Variants in MNAT1 observed in about 807,000 individuals in gnomAD.
MNAT1 encodes CDK-activating kinase assembly factor MAT1.
A neutral mutation model predicts 42.0 loss-of-function variants in MNAT1; 43 were observed. That is an observed-to-expected ratio of 1.02 (90% CI 0.80 to 1.32). MNAT1 has a LOEUF of 1.32. Among genes scored for constraint, MNAT1 ranks in the 40% most tolerant of loss-of-function variants. The pLI is 0.00. For synonymous variants in MNAT1, 118 were observed against 120.0 expected (o/e 0.98, Z 0.11); for missense variants, 306 against 350.4 (o/e 0.87, Z 1.01).
intron 7 of MNAT1, among the ~76,000 whole-genome samples, chr14:60,912,139 G>T (rs2139529453): frequency 6.6e-6 from 1 of 152,186 alleles, no homozygotes; most frequent in East Asian, 1.9e-4. Flanking sequence ...GACTAGGATT[G>T]CAACCCCTGC....
intron 1 of MNAT1, among the ~76,000 whole-genome samples, chr14:60,736,530 G>T (rs1269161785): frequency 6.6e-6 from 1 of 152,102 alleles, no homozygotes; most frequent in Non-Finnish European, 1.5e-5. Flanking sequence ...ATTCATTCTG[G>T]TGTTGCATTT....
intron 7 of MNAT1, among the ~76,000 whole-genome samples, chr14:60,959,609 T>C (rs2036551387): frequency 6.6e-6 from 1 of 152,224 alleles, no homozygotes; most frequent in Non-Finnish European, 1.5e-5. Context: ...ATGAACTGTT[T>C]CTTTCTTTTG....
chr14:60,817,527 A>G (rs2032752026), intron 5 of MNAT1, among the ~76,000 whole-genome samples: 1 of 151,996 alleles, frequency 6.6e-6, no homozygotes, highest in South Asian at 2.1e-4. Context: ...TAAAATCTTG[A>G]TGTGCAACTT....
intron 7 of MNAT1, among the ~76,000 whole-genome samples, chr14:60,909,507 G>T (rs982937640): frequency 6.6e-6 from 1 of 152,170 alleles, no homozygotes; most frequent in Non-Finnish European, 1.5e-5. Flanking sequence ...TGTATAAGGT[G>T]TAAGGAAGGG....
Position 60,889,525 on chromosome 14 carries a change from G to C in MNAT1, c.809+9690G>C, listed in dbSNP as rs199691924. ...AGAAGAAAACCTAGGCAATACCATT[G>C]AGGACATAGGCATGGGCAAGGACTT... On this transcript the variant is annotated intron_variant, in intron 7 of 7. Transcript: ENST00000261245. Among the ~76,000 whole-genome samples, 306 of 152,172 alleles carry C rather than the reference G, an allele frequency of 2.0e-3. 3 individuals carry two copies. In the East Asian group the frequency reaches 0.051, roughly 25 times the overall value.
At chr14:60,865,729 C>G (rs1267003700) in intron 6 of MNAT1, among the ~76,000 whole-genome samples, 3 of 152,028 alleles carry the variant, frequency 2.0e-5, no homozygotes, top group African/African-American at 7.2e-5. Context: ...ACAAAATAAA[C>G]AAAATATTTT....
At chr14:60,737,219 G>C (rs1399777895) in intron 1 of MNAT1, among the ~76,000 whole-genome samples, 1 of 152,100 alleles carries the variant, frequency 6.6e-6, no homozygotes, top group Non-Finnish European at 1.5e-5. Context: ...AGCAACGTAA[G>C]TTATTAAGTG....
At position 60,796,371 on chromosome 14, in the gene MNAT1, TAAGTATTC is replaced by T; in HGVS notation, c.242+3_242+10del. The T allele has an allele frequency of 6.2e-7, 1 of 1,608,838 alleles. No homozygotes were observed. Among genetic ancestry groups the T allele is most frequent in the South Asian group, 1.1e-5 (1 of 89,894 alleles). On this transcript the variant is annotated splice_donor_5th_base_variant and intron_variant, in intron 2 of 7. Transcript: ENST00000261245. ...GATCAGGAAAAAAGTGCTAAAGATG[TAAGTATTC>T]CTGCTCGAATGATTCAGTCAACAAA...
intron 7 of MNAT1, among the ~76,000 whole-genome samples, chr14:60,931,745 A>G (rs983292942): frequency 6.6e-6 from 1 of 152,072 alleles, no homozygotes; most frequent in African/African-American, 2.4e-5. Context: ...GCATATATAT[A>G]TATGTGTGTA....
chr14:60,797,595 T>A (rs1004852104), intron 2 of MNAT1, among the ~76,000 whole-genome samples: 1 of 152,140 alleles, frequency 6.6e-6, no homozygotes, highest in African/African-American at 2.4e-5. Flanking sequence ...AATTTAAGAA[T>A]TGCATTTTTG....
intron 7 of MNAT1, among the ~76,000 whole-genome samples, chr14:60,913,289 G>A (rs751174255): frequency 6.6e-5 from 10 of 151,958 alleles, no homozygotes; most frequent in South Asian, 4.2e-4. Flanking sequence ...CCTTTAGCTC[G>A]GAGTAGTTTG....
chr14:60,886,514 G>A (rs956651790), intron 7 of MNAT1, among the ~76,000 whole-genome samples: 1 of 151,544 alleles, frequency 6.6e-6, no homozygotes, highest in Non-Finnish European at 1.5e-5. Flanking sequence ...CTTTGAAAAA[G>A]GCTAATGTAA....
intron 6 of MNAT1, among the ~76,000 whole-genome samples, chr14:60,835,353 A>G (rs2033362368): frequency 6.6e-6 from 1 of 152,104 alleles, no homozygotes; most frequent in Admixed American, 6.6e-5. Flanking sequence ...GATGGTCTTT[A>G]CAATTTGCCT....
intron 1 of MNAT1, among the ~76,000 whole-genome samples, chr14:60,759,252 T>C (rs575299276): frequency 6.6e-6 from 1 of 152,332 alleles, no homozygotes; most frequent in African/African-American, 2.4e-5. Flanking sequence ...GCTTATCATG[T>C]AAAGATTTTT....
At chr14:60,739,987 C>G (rs1325285504) in intron 1 of MNAT1, among the ~76,000 whole-genome samples, 6 of 152,156 alleles carry the variant, frequency 3.9e-5, no homozygotes, top group Non-Finnish European at 7.3e-5. Flanking sequence ...AACCCCGTCT[C>G]TACTAAAAAT....
intron 7 of MNAT1, among the ~76,000 whole-genome samples, chr14:60,908,116 A>G (rs2035253266): frequency 6.6e-6 from 1 of 152,160 alleles, no homozygotes; most frequent in Non-Finnish European, 1.5e-5. Flanking sequence ...AGCTCAAAAC[A>G]AATTATAATG....
At chr14:60,810,120 C>T (rs1251428426) in intron 4 of MNAT1, among the ~76,000 whole-genome samples, 1 of 151,850 alleles carries the variant, frequency 6.6e-6, no homozygotes, top group African/African-American at 2.4e-5. Flanking sequence ...TTAACTGAAG[C>T]GTAATATAAT....
chr14:60,929,164 A>ATATATAT (rs1396036965), intron 7 of MNAT1, among the ~76,000 whole-genome samples: 52 of 119,272 alleles, frequency 4.4e-4, no homozygotes, highest in African/African-American at 1.3e-3. Context: ...AAAAAAAAAA[A>ATATATAT]AAAAAAATAT....
chr14:60,775,794 C>T (rs2031231316), intron 1 of MNAT1, among the ~76,000 whole-genome samples: 1 of 151,970 alleles, frequency 6.6e-6, no homozygotes, highest in African/African-American at 2.4e-5. Context: ...GGCTAGGTCA[C>T]TAGCTATGAT....
Sources: gnomAD v4.1 joint callset for allele counts (sites outside exome capture counted in the v4.1 genomes callset) on GRCh38, gnomAD v4.1.1 for gene constraint, MANE v1.5 for transcripts, NCBI Gene and HGNC (gene_info 2026-07-23, HGNC 2026-07-21) for gene names.